Variants in CACNA2D2 observed in about 807,000 individuals in gnomAD.
CACNA2D2 encodes calcium voltage-gated channel auxiliary subunit alpha2delta 2.
A neutral mutation model predicts 166.4 loss-of-function variants in CACNA2D2; 48 were observed. The observed-to-expected ratio is 0.29, with a 90% CI of 0.23 to 0.37. The LOEUF is 0.37. Ranked by LOEUF, CACNA2D2 falls within the 10% of genes least tolerant of loss-of-function variation. CACNA2D2 has a pLI of 1.00. For missense variants in CACNA2D2, 1,122 were observed against 1,433.0 expected (o/e 0.78, Z 3.50); for synonymous variants, 561 against 573.7 (o/e 0.98, Z 0.32).
At chr3:50,482,036 T>G (rs1361632982) in intron 1 of CACNA2D2, among the ~76,000 whole-genome samples, 1 of 152,140 alleles carries the variant, frequency 6.6e-6, no homozygotes, top group African/African-American at 2.4e-5. Flanking sequence ...TGCTACTTAA[T>G]TATTCTGGTT....
intron 3 of CACNA2D2, among the ~76,000 whole-genome samples, chr3:50,405,602 G>A (rs936323249): frequency 6.6e-6 from 1 of 152,210 alleles, no homozygotes; most frequent in Non-Finnish European, 1.5e-5. Context: ...GGTCTGCTCA[G>A]TGGGCTGAAA....
chr3:50,470,749 G>T (rs1296264993), intron 2 of CACNA2D2, among the ~76,000 whole-genome samples: 1 of 151,984 alleles, frequency 6.6e-6, no homozygotes, highest in Non-Finnish European at 1.5e-5. Flanking sequence ...GTCTGGGCCT[G>T]GGAAGGAAAG....
intron 2 of CACNA2D2, among the ~76,000 whole-genome samples, chr3:50,472,710 T>C (rs190943854): frequency 9.2e-5 from 14 of 152,238 alleles, no homozygotes; most frequent in African/African-American, 3.1e-4. Flanking sequence ...GCTGTACCCA[T>C]CAGAGTGACC....
chr3:50,379,650 T>C lies in CACNA2D2; in HGVS notation c.994-60A>G, dbSNP rs1457554041. On this transcript the variant is annotated intron_variant, in intron 10 of 37. Transcript: ENST00000424201. This position sits in a 1 kb window ranked among gnomAD's most constrained non-coding sequence, Gnocchi z 6.5. Reference sequence around the variant, plus strand: ...CTGGCCGGGGTAGGCAGCTATTGCATGGGGCTGGTGATGGTCACAGGAGCA... The same window carrying C: ...CTGGCCGGGGTAGGCAGCTATTGCACGGGGCTGGTGATGGTCACAGGAGCA... The C allele has an allele frequency of 2.4e-5, 39 of 1,611,882 alleles. No individual in the cohort carries two copies. The highest frequency in any genetic ancestry group is 5.0e-5 in the Admixed American group (3 of 59,978).
rs778441576 is a variant in CACNA2D2, at chr3:50,367,024, T to C, written c.2487A>G (p.Thr829=). 7 of 1,613,724 alleles carry C rather than the reference T, an allele frequency of 4.3e-6. No homozygotes were observed. Among genetic ancestry groups the C allele is most frequent in the Middle Eastern group, 1.6e-4 (1 of 6,062 alleles). The stretch of plus-strand genomic sequence containing the variant: ...CCAAACATTCACCTGCTGGCCTCAG[T>C]GTGCGCCTGCCTAGGCTGAGCTCCA... ...TAVELSLGRR[T]LRPAVVGVKL... is the part of the protein sequence containing the mutation. Residue 829 remains threonine, a synonymous_variant, in exon 28 of 38, where the codon ACA becomes ACG. Transcript: ENST00000424201. The surrounding 1 kb of genome is among the most constrained non-coding windows in gnomAD (Gnocchi z 6.5).
At chr3:50,436,925 A>T (rs1708378090) in intron 2 of CACNA2D2, among the ~76,000 whole-genome samples, 1 of 152,158 alleles carries the variant, frequency 6.6e-6, no homozygotes, top group South Asian at 2.1e-4. Flanking sequence ...CCTTAGCCTC[A>T]GCCCCAGAGG....
chr3:50,496,471 A>T (rs1041493117), intron 1 of CACNA2D2, among the ~76,000 whole-genome samples: 1 of 152,262 alleles, frequency 6.6e-6, no homozygotes, highest in Non-Finnish European at 1.5e-5. Flanking sequence ...CAAAGGCAAG[A>T]GCCAAACACA....
intron 1 of CACNA2D2, among the ~76,000 whole-genome samples, chr3:50,492,778 A>G (rs1306975545): frequency 2.0e-5 from 3 of 152,166 alleles, no homozygotes; most frequent in Non-Finnish European, 4.4e-5. Flanking sequence ...TGCATGGCAG[A>G]ACATCATGGG....
chr3:50,410,741 G>A (rs568076814), intron 3 of CACNA2D2, among the ~76,000 whole-genome samples: 4 of 152,374 alleles, frequency 2.6e-5, no homozygotes, highest in East Asian at 1.9e-4. Flanking sequence ...GGGTGTCCAC[G>A]GAGGGAGCTG....
chr3:50,462,756 G>A (rs535176391), intron 2 of CACNA2D2, among the ~76,000 whole-genome samples: 7 of 152,234 alleles, frequency 4.6e-5, no homozygotes, highest in African/African-American at 1.7e-4. Flanking sequence ...CTGGGGAGCT[G>A]GAAATGGAGA....
intron 1 of CACNA2D2, among the ~76,000 whole-genome samples, chr3:50,498,070 G>A (rs1560009657): frequency 6.6e-6 from 1 of 152,272 alleles, no homozygotes; most frequent in South Asian, 2.1e-4. Flanking sequence ...AAAGACACAA[G>A]GCACCAGGTC....
intron 3 of CACNA2D2, among the ~76,000 whole-genome samples, chr3:50,396,304 C>T (rs545882668): frequency 6.6e-6 from 1 of 152,288 alleles, no homozygotes; most frequent in African/African-American, 2.4e-5. Flanking sequence ...CTGCCCGGAA[C>T]CTGCATCCTC....
At chr3:50,373,589 G>C (rs1385028451) in intron 22 of CACNA2D2, among the ~76,000 whole-genome samples, 1 of 117,214 alleles carries the variant, frequency 8.5e-6, no homozygotes, top group East Asian at 2.7e-4. Context: ...AGGGGGCAGA[G>C]CGGAGGGAGT....
At position 50,365,919 on chromosome 3, in the gene CACNA2D2, C is replaced by T. The variant is rs1704243187; in HGVS notation, c.2863-57G>A. The T allele has an allele frequency of 6.2e-7, 1 of 1,612,242 alleles. No individual in the cohort carries two copies. Among genetic ancestry groups the T allele is most frequent in the African/African-American group, 1.3e-5 (1 of 74,906 alleles). ...TGCTGCCCCTCGCCCTAGGTCACCC[C>T]CAGCTTTATCAAATGTCAGAGGTAG... On this transcript the variant is annotated intron_variant, in intron 32 of 37. Transcript: ENST00000424201. This position sits in a 1 kb window ranked among gnomAD's most constrained non-coding sequence, Gnocchi z 4.5.
At chr3:50,422,419 A>C (rs1194271400) in intron 3 of CACNA2D2, among the ~76,000 whole-genome samples, 1 of 152,094 alleles carries the variant, frequency 6.6e-6, no homozygotes, top group African/African-American at 2.4e-5. Flanking sequence ...CCTTCCCTCT[A>C]GCCTCAGCCT....
chr3:50,397,346 AC>A (rs1442725699), intron 3 of CACNA2D2, among the ~76,000 whole-genome samples: 1 of 152,230 alleles, frequency 6.6e-6, no homozygotes, highest in Non-Finnish European at 1.5e-5. Flanking sequence ...AAACTGTTAA[AC>A]AGGCAGGCCC....
intron 2 of CACNA2D2, among the ~76,000 whole-genome samples, chr3:50,441,761 C>T (rs535604160): frequency 6.6e-6 from 1 of 152,386 alleles, no homozygotes; most frequent in East Asian, 1.9e-4. Flanking sequence ...GTGTTAAGGC[C>T]TGTATCTCAG....
chr3:50,478,349 C>T (rs182419727), intron 1 of CACNA2D2, among the ~76,000 whole-genome samples: 1 of 152,298 alleles, frequency 6.6e-6, no homozygotes, highest in East Asian at 1.9e-4. Context: ...TGCGATGGAG[C>T]CCTGGGGGCT....
At chr3:50,414,184 C>T (rs1707163253) in intron 3 of CACNA2D2, among the ~76,000 whole-genome samples, 1 of 152,110 alleles carries the variant, frequency 6.6e-6, no homozygotes, top group Non-Finnish European at 1.5e-5. Context: ...TCTGGACCCG[C>T]AAAAACAGCA....
Sources: gnomAD v4.1 joint callset for allele counts (sites outside exome capture counted in the v4.1 genomes callset) on GRCh38, gnomAD v4.1.1 for gene constraint, Gnocchi (gnomAD v3.1) non-coding constraint, MANE v1.5 for transcripts, NCBI Gene and HGNC (gene_info 2026-07-23, HGNC 2026-07-21) for gene names.